Variants in PTPRG observed in about 807,000 individuals in gnomAD.
The protein encoded by PTPRG is protein tyrosine phosphatase receptor type G, also known as receptor-type tyrosine-protein phosphatase gamma.
A neutral mutation model predicts 165.3 loss-of-function variants in PTPRG; 102 were observed. The ratio of observed to expected loss-of-function variants is 0.62; its 90% confidence interval spans 0.53 to 0.73. PTPRG has a LOEUF of 0.73. PTPRG is among the 30% of genes least tolerant of loss of function. PTPRG has a pLI of 0.00. For synonymous variants in PTPRG, 675 were observed against 669.5 expected, an observed-to-expected ratio of 1.01 and a Z score of -0.13; for missense variants, 1,866 against 1,861.4, an observed-to-expected ratio of 1.00 and a Z score of -0.05.
At chr3:61,842,684 C>CAAAAAAAA (rs199500194) in intron 2 of PTPRG, among the ~76,000 whole-genome samples, 81 of 121,496 alleles carry the variant, frequency 6.7e-4, no homozygotes, top group Non-Finnish European at 1.1e-3. Flanking sequence ...GTATGTGTGG[C>CAAAAAAAA]AAAAAAAAAA....
At chr3:61,944,907 G>A (rs1292899765) in intron 2 of PTPRG, among the ~76,000 whole-genome samples, 2 of 152,144 alleles carry the variant, frequency 1.3e-5, no homozygotes, top group Non-Finnish European at 2.9e-5. Flanking sequence ...GAAATTCCCC[G>A]TGGCATTAGA....
rs112065195 is a variant in PTPRG, at chr3:62,133,169, C to T, written c.682+501C>T. Among the ~76,000 whole-genome samples, 645 of 152,224 alleles carry T rather than the reference C, an allele frequency of 4.2e-3. 8 individuals are homozygous for T. The highest frequency in any genetic ancestry group is 0.019 in the Admixed American group (292 of 15,288). On this transcript the variant is annotated intron_variant, in intron 6 of 29. Coordinates refer to ENST00000474889, the MANE Select transcript of PTPRG (RefSeq NM_002841.4). Reference sequence around the variant, plus strand: ...GATCTCTTATCCTCAGGCATAAAACCGGGAGAGAAAGTAAGATAAATGGGT... The same window carrying T: ...GATCTCTTATCCTCAGGCATAAAACTGGGAGAGAAAGTAAGATAAATGGGT...
At position 62,210,969 on chromosome 3, in the gene PTPRG, G is replaced by A. The variant is rs1700345031; in HGVS notation, c.2155+7019G>A. Among the ~76,000 whole-genome samples the A allele has an allele frequency of 6.6e-6, 1 of 152,182 alleles. No homozygotes were observed. The highest frequency in any genetic ancestry group is 6.5e-5 in the Admixed American group (1 of 15,284). On this transcript the variant is annotated intron_variant, in intron 12 of 29. Coordinates refer to ENST00000474889, the MANE Select transcript of PTPRG (RefSeq NM_002841.4). The surrounding 1 kb of genome is among the most constrained non-coding windows in gnomAD (Gnocchi z 4.1). ...TGAATTTCTGACTATTCAGGGATTA[G>A]CACCCCTAATGCCTATGTTGTTGGT...
chr3:61,774,398 A>G (rs186109895), intron 2 of PTPRG, among the ~76,000 whole-genome samples: 1 of 152,286 alleles, frequency 6.6e-6, no homozygotes, highest in East Asian at 1.9e-4. Flanking sequence ...GCTTGCTGGC[A>G]CTTGAAAATT....
intron 8 of PTPRG, among the ~76,000 whole-genome samples, chr3:62,191,242 C>T (rs1430847906): frequency 6.7e-6 from 1 of 150,154 alleles, no homozygotes. Context: ...GTGTCCCTTG[C>T]ACACGTGTGT....
At chr3:62,041,842 G>T (rs1700139873) in intron 4 of PTPRG, among the ~76,000 whole-genome samples, 1 of 152,168 alleles carries the variant, frequency 6.6e-6, no homozygotes, top group African/African-American at 2.4e-5. Flanking sequence ...TGATGATAGT[G>T]ACTATAATGC....
chr3:61,641,609 C>A (rs989214608), intron 1 of PTPRG, among the ~76,000 whole-genome samples: 3 of 152,014 alleles, frequency 2.0e-5, no homozygotes, highest in Non-Finnish European at 4.4e-5. Context: ...TGTGTTTTGT[C>A]CCACTACAGA....
intron 2 of PTPRG, among the ~76,000 whole-genome samples, chr3:61,872,161 C>T (rs2037602993): frequency 6.6e-6 from 1 of 152,116 alleles, no homozygotes; most frequent in Non-Finnish European, 1.5e-5. Context: ...GTAACGTGTA[C>T]TTTCACTGAA....
At chr3:62,151,378 A>T (rs549536992) in intron 6 of PTPRG, among the ~76,000 whole-genome samples, 4 of 152,306 alleles carry the variant, frequency 2.6e-5, no homozygotes, top group African/African-American at 9.6e-5. Context: ...TTGTCATTCA[A>T]AATGCTTAAA....
At chr3:61,606,235 G>GTT (rs1350206639) in intron 1 of PTPRG, among the ~76,000 whole-genome samples, 2 of 152,174 alleles carry the variant, frequency 1.3e-5, no homozygotes, top group African/African-American at 2.4e-5. Context: ...AGCGCTTCAT[G>GTT]TTTGTAGGAC....
intron 5 of PTPRG, among the ~76,000 whole-genome samples, chr3:62,080,841 C>T (rs1024918218): frequency 1.3e-5 from 2 of 152,032 alleles, no homozygotes; most frequent in Non-Finnish European, 2.9e-5. Context: ...TAAAGTATTT[C>T]GAGGACACCG....
chr3:61,986,791 C>T (rs2040774630), intron 2 of PTPRG, among the ~76,000 whole-genome samples: 2 of 152,278 alleles, frequency 1.3e-5, no homozygotes, highest in South Asian at 4.1e-4. Flanking sequence ...TAAGAGGAAA[C>T]TAAAGTGCAA....
At chr3:62,046,387 TTTTC>T (rs1168260677) in intron 4 of PTPRG, among the ~76,000 whole-genome samples, 1 of 152,198 alleles carries the variant, frequency 6.6e-6, no homozygotes. Flanking sequence ...TTCATTGACC[TTTTC>T]TTTCTTTAGA....
intron 4 of PTPRG, among the ~76,000 whole-genome samples, chr3:62,019,692 G>A (rs1236109590): frequency 6.6e-6 from 1 of 152,116 alleles, no homozygotes. Flanking sequence ...GGTGATGGAT[G>A]TGTTAATTAG....
At chr3:62,074,351 T>G (rs1701310442) in intron 4 of PTPRG, among the ~76,000 whole-genome samples, 1 of 118,048 alleles carries the variant, frequency 8.5e-6, no homozygotes, top group Non-Finnish European at 1.6e-5. Context: ...TTCTTTTCTT[T>G]CTTTTTTTTT....
intron 1 of PTPRG, chr3:61,659,176 A>G (rs781757867): frequency 2.1e-6 from 1 of 484,752 alleles, no homozygotes; most frequent in African/African-American, 2.1e-5. Context: ...TGGCCTGATG[A>G]ACATCAGACA....
intron 2 of PTPRG, among the ~76,000 whole-genome samples, chr3:61,825,667 C>T (rs1325670840): frequency 6.6e-6 from 1 of 150,924 alleles, no homozygotes; most frequent in Non-Finnish European, 1.5e-5. Context: ...TTTTTTGAGA[C>T]AGGTTCTCGC....
intron 2 of PTPRG, among the ~76,000 whole-genome samples, chr3:61,833,870 G>C (rs2036383750): frequency 6.6e-6 from 1 of 152,070 alleles, no homozygotes; most frequent in African/African-American, 2.4e-5. Context: ...CAGCCGTGTT[G>C]AAGTGTTTTC....
chr3:62,147,529 GAGTTCATA>G (rs1323433860), intron 6 of PTPRG, among the ~76,000 whole-genome samples: 1 of 152,130 alleles, frequency 6.6e-6, no homozygotes, highest in Non-Finnish European at 1.5e-5. Flanking sequence ...ATGCATCTTT[GAGTTCATA>G]TCAAGTCATT....
Sources: allele counts gnomAD v4.1 joint callset (sites outside exome capture counted in the v4.1 genomes callset), GRCh38; gene constraint gnomAD v4.1.1; non-coding constraint Gnocchi (gnomAD v3.1); transcripts MANE v1.5; gene names NCBI Gene and HGNC (gene_info 2026-07-23, HGNC 2026-07-21).